RIMBP2: variants seen among roughly 807,000 people sequenced by gnomAD.
RIMBP2 encodes RIMS-binding protein 2.
Under a neutral mutation model 118.6 loss-of-function variants are expected in RIMBP2, and 48 were observed. The observed-to-expected ratio is 0.40, with a 90% CI of 0.32 to 0.51. The LOEUF is 0.51. Among genes scored for constraint, RIMBP2 ranks in the 20% least tolerant of loss-of-function variants. The pLI, the probability that RIMBP2 is intolerant of heterozygous loss-of-function variation, is 0.41. For synonymous variants in RIMBP2, 762 were observed against 742.9 expected, an observed-to-expected ratio of 1.03 and a Z score of -0.42; for missense variants, 1,551 against 1,768.3, an observed-to-expected ratio of 0.88 and a Z score of 2.20.
rs984682594 is a variant in RIMBP2 at position 130,475,782 on chromosome 12, A to G, written c.102+3130T>C. On this transcript the variant is annotated intron_variant, in intron 5 of 22. Transcript: ENST00000690449. This position sits in a 1 kb window ranked among gnomAD's most constrained non-coding sequence, Gnocchi z 4.1. ...AAGGCAATTAACTCCAGGGAAAGGA[A>G]GAGCTGTACAAAAACGGGAGATGCT... 4.6e-5 allele frequency among the ~76,000 whole-genome samples: 7 copies of G among 152,174 alleles called. No individual in the cohort carries two copies. Among genetic ancestry groups the G allele is most frequent in the Non-Finnish European group, 1.0e-4 (7 of 68,048 alleles).
rs74561928 is a variant in RIMBP2 at position 130,447,124 on chromosome 12, C to G, written c.582-1855G>C. ...GAGAGGAACAGGAGCCCCCAGGCCACGCCTTCAGGAGTGCCCACACCTGAC... is the reference window on the plus strand; with the variant it reads ...GAGAGGAACAGGAGCCCCCAGGCCAGGCCTTCAGGAGTGCCCACACCTGAC... On this transcript the variant is annotated intron_variant, in intron 9 of 22. Coordinates refer to ENST00000690449, the MANE Select transcript of RIMBP2 (RefSeq NM_001393629.1). This position sits in a 1 kb window ranked among gnomAD's most constrained non-coding sequence, Gnocchi z 4.4. Among the ~76,000 whole-genome samples, 1 of 151,492 alleles carries G rather than the reference C, an allele frequency of 6.6e-6. No homozygotes were observed.
Position 130,438,351 on chromosome 12 carries a change from C to CCCCCAAA in RIMBP2, c.1656+13_1656+14insTTTGGGG. Reference sequence around the variant, plus strand: ...GCCTAACAAACCCTCCCCACCCACCCAACGAAAACTCACCCTCTGCCCTTT... The same window carrying CCCCCAAA: ...GCCTAACAAACCCTCCCCACCCACCCCCCCAAAAACGAAAACTCACCCTCTGCCCTTT... On this transcript the variant is annotated intron_variant, in intron 12 of 22. Transcript: ENST00000690449. 3 of 1,589,918 alleles carry CCCCCAAA rather than the reference C, an allele frequency of 1.9e-6. No individual in the cohort carries two copies. Among genetic ancestry groups the CCCCCAAA allele is most frequent in the Non-Finnish European group, 2.6e-6 (3 of 1,158,608 alleles).
chr12:130,449,417 C>T (rs974627141), intron 9 of RIMBP2, among the ~76,000 whole-genome samples: 5 of 152,236 alleles, frequency 3.3e-5, no homozygotes, highest in African/African-American at 1.2e-4. Context: ...TACCTCTCAG[C>T]GAGCACAAAC....
At chr12:130,535,766 T>TAC (rs1732983771) in intron 2 of RIMBP2, among the ~76,000 whole-genome samples, 3 of 110,940 alleles carry the variant, frequency 2.7e-5, no homozygotes, top group African/African-American at 9.6e-5. Context: ...TATATATATA[T>TAC]ATATATATAT....
chr12:130,550,159 G>A (rs2055603528), intron 2 of RIMBP2, among the ~76,000 whole-genome samples: 1 of 152,180 alleles, frequency 6.6e-6, no homozygotes. Flanking sequence ...GAGGAGAAAG[G>A]CCATGAGTGA....
chr12:130,704,064 A>G (rs1192877588), intron 1 of RIMBP2, among the ~76,000 whole-genome samples: 1 of 152,172 alleles, frequency 6.6e-6, no homozygotes, highest in African/African-American at 2.4e-5. Context: ...GCAGCATTTT[A>G]AAACCTCAGT....
intron 21 of RIMBP2, among the ~76,000 whole-genome samples, chr12:130,400,515 C>T (rs2074428030): frequency 6.6e-6 from 1 of 152,180 alleles, no homozygotes; most frequent in Non-Finnish European, 1.5e-5. Context: ...CACAGGCCTA[C>T]CACGTCACTT....
At chr12:130,577,844 A>G (rs1281001270) in intron 2 of RIMBP2, among the ~76,000 whole-genome samples, 4 of 152,174 alleles carry the variant, frequency 2.6e-5, no homozygotes, top group African/African-American at 9.7e-5. Flanking sequence ...CTAATGTGAA[A>G]CATCTCTTTA....
At chr12:130,580,164 T>C (rs1461766298) in intron 2 of RIMBP2, among the ~76,000 whole-genome samples, 1 of 150,964 alleles carries the variant, frequency 6.6e-6, no homozygotes. Context: ...CACCACTGCC[T>C]TCCAGCCTGG....
At position 130,441,727 on chromosome 12, in the gene RIMBP2, C is replaced by A. The variant is rs2078155293; in HGVS notation, c.1504+121G>T. 23 of 858,402 alleles carry A rather than the reference C, an allele frequency of 2.7e-5. No homozygotes were observed. In the South Asian group the frequency reaches 3.9e-4, roughly 15 times the overall value. 53.2% of individuals were successfully genotyped at this position (858,402 alleles called of 1,614,324 possible). ...TTCGCCGGTGACCTAAGGGATTTTCCAGGGTCATGTTGTCAGGATGGGGAT... is the reference window on the plus strand; with the variant it reads ...TTCGCCGGTGACCTAAGGGATTTTCAAGGGTCATGTTGTCAGGATGGGGAT... On this transcript the variant is annotated intron_variant, in intron 11 of 22. Coordinates refer to ENST00000690449, the MANE Select transcript of RIMBP2 (RefSeq NM_001393629.1).
chr12:130,421,791 G>A (rs760066013), intron 17 of RIMBP2, among the ~76,000 whole-genome samples: 15 of 151,318 alleles, frequency 9.9e-5, no homozygotes, highest in Non-Finnish European at 2.1e-4. Flanking sequence ...AATACTTTTT[G>A]GAATTCTCCT....
At chr12:130,548,700 A>G (rs1010271272) in intron 2 of RIMBP2, among the ~76,000 whole-genome samples, 15 of 152,098 alleles carry the variant, frequency 9.9e-5, no homozygotes, top group African/African-American at 3.6e-4. Context: ...CAGCCTCCCA[A>G]GTAGCTGGGA....
At position 130,442,386 on chromosome 12, in the gene RIMBP2, G is replaced by A. The variant is rs368643953; in HGVS notation, c.966C>T (p.Leu322=). The part of the protein sequence containing the change: ...DIVPYPRKIT[L]IKQLAKSVIV... ...TAACACTTTTGGCGAGTTGTTTGAT[G>A]AGGGTGATTTTTCTAGGGTAAGGCA... is the stretch of plus-strand genomic sequence containing the variant. The change falls in exon 11 of 23, where the codon CTC becomes CTT. Residue 322 remains leucine, a synonymous_variant. Coordinates refer to ENST00000690449, the MANE Select transcript of RIMBP2 (RefSeq NM_001393629.1). The surrounding 1 kb of genome is among the most constrained non-coding windows in gnomAD (Gnocchi z 6.9). 7 of 1,614,074 alleles carry A rather than the reference G, an allele frequency of 4.3e-6. No individual in the cohort carries two copies. In the African/African-American group the frequency reaches 6.7e-5, roughly 15 times the overall value.
In RIMBP2 at chr12:130,456,692, A is replaced by T; in HGVS notation, c.162T>A (p.Val54=). The T allele has an allele frequency of 6.2e-7, 1 of 1,602,862 alleles. No homozygotes were observed. The highest frequency in any genetic ancestry group is 1.1e-5 in the South Asian group (1 of 90,584). ...EGAVRLLESK[V]RELEEKCRTQ... ...TCCGGCATTTCTCTTCCAGCTCTCG[A>T]ACCTTGGACTGCACGGCAGAAGCAG... The change falls in exon 7 of 23, where the codon GTT becomes GTA. Residue 54 remains valine, a synonymous_variant. Coordinates refer to ENST00000690449, the MANE Select transcript of RIMBP2 (RefSeq NM_001393629.1).
At chr12:130,653,400 A>G (rs1016084363) in intron 1 of RIMBP2, among the ~76,000 whole-genome samples, 1 of 152,224 alleles carries the variant, frequency 6.6e-6, no homozygotes, top group Non-Finnish European at 1.5e-5. Flanking sequence ...CGTGCCCCAC[A>G]TCCGGGCACA....
intron 2 of RIMBP2, among the ~76,000 whole-genome samples, chr12:130,557,737 AGATT>A (rs1364238623): frequency 6.6e-6 from 1 of 152,206 alleles, no homozygotes; most frequent in Admixed American, 6.5e-5. Flanking sequence ...CTACCTGCGG[AGATT>A]GATTTTTAAA....
intron 3 of RIMBP2, among the ~76,000 whole-genome samples, chr12:130,517,313 AG>A (rs2051577891): frequency 6.6e-6 from 1 of 152,174 alleles, no homozygotes; most frequent in Non-Finnish European, 1.5e-5. Context: ...ATCAGCAAGA[AG>A]GTCCTCACCA....
intron 2 of RIMBP2, among the ~76,000 whole-genome samples, chr12:130,575,844 T>G (rs1275038587): frequency 2.6e-5 from 4 of 152,224 alleles, no homozygotes; most frequent in Non-Finnish European, 5.9e-5. Context: ...TCTGGTAACT[T>G]GAAAATAATC....
At chr12:130,610,551 C>CTTTTTTTTTTTTTT (rs386378269) in intron 2 of RIMBP2, among the ~76,000 whole-genome samples, 2 of 81,548 alleles carry the variant, frequency 2.5e-5, no homozygotes, top group African/African-American at 9.3e-5. Context: ...AATTTTCCTG[C>CTTTTTTTTTTTTTT]TTTTTTTTTT....
Sources: gnomAD v4.1 joint callset for allele counts (sites outside exome capture counted in the v4.1 genomes callset) on GRCh38, gnomAD v4.1.1 for gene constraint, Gnocchi (gnomAD v3.1) non-coding constraint, MANE v1.5 for transcripts, NCBI Gene and HGNC (gene_info 2026-07-23, HGNC 2026-07-21) for gene names.